Variants in RBFOX1 observed in about 807,000 individuals in gnomAD.
RBFOX1 encodes the protein RNA binding protein fox-1 homolog 1.
RBFOX1 carries 8 observed loss-of-function variants against 57.7 expected under a neutral mutation model. That is an observed-to-expected ratio of 0.14 (90% CI 0.08 to 0.25). The LOEUF (loss-of-function observed/expected upper bound fraction) is 0.25. Ranked by LOEUF, RBFOX1 falls within the 10% of genes least tolerant of loss-of-function variation. The probability of loss-of-function intolerance (pLI) is 1.00; values close to 1 mark genes in which losing one functional copy is unlikely to be tolerated. For missense variants in RBFOX1, 611 were observed against 548.5 expected, an observed-to-expected ratio of 1.11 and a Z score of -1.14; for synonymous variants, 326 against 222.4, an observed-to-expected ratio of 1.47 and a Z score of -4.15.
At chr16:5,422,716 G>C (rs1207054348) in intron 1 of RBFOX1, among the ~76,000 whole-genome samples, 2 of 137,928 alleles carry the variant, frequency 1.5e-5, no homozygotes, top group African/African-American at 5.5e-5. Context: ...AAGAGAAAGA[G>C]GAGGAGGGAG....
chr16:6,952,606 A>G (rs987191659), intron 3 of RBFOX1, among the ~76,000 whole-genome samples: 13 of 152,014 alleles, frequency 8.6e-5, no homozygotes, highest in African/African-American at 2.9e-4. Context: ...CCACTGGACT[A>G]CAGCCTGGGC....
At chr16:7,482,674 C>G (rs2064301213) in intron 4 of RBFOX1, among the ~76,000 whole-genome samples, 1 of 147,796 alleles carries the variant, frequency 6.8e-6, no homozygotes, top group African/African-American at 2.5e-5. Context: ...CATTTCTTAT[C>G]AGGGAGAGGC....
intron 3 of RBFOX1, among the ~76,000 whole-genome samples, chr16:6,869,456 C>G (rs1020516417): frequency 8.3e-6 from 1 of 120,984 alleles, no homozygotes; most frequent in East Asian, 2.8e-4. Context: ...AAGGAGTTCC[C>G]TTACTGTCTT....
chr16:7,489,989 C>G (rs960937102), intron 4 of RBFOX1, among the ~76,000 whole-genome samples: 2 of 152,096 alleles, frequency 1.3e-5, no homozygotes, highest in African/African-American at 2.4e-5. Flanking sequence ...GTGTCTCTCT[C>G]CAAAATGCTC....
intron 2 of RBFOX1, among the ~76,000 whole-genome samples, chr16:6,345,027 C>T (rs749477100): frequency 2.3e-4 from 35 of 151,896 alleles, no homozygotes; most frequent in Admixed American, 7.9e-4. Flanking sequence ...CAATATATGG[C>T]GGCTTTTAGG....
chr16:6,164,648 TG>T (rs1447081868), intron 1 of RBFOX1, among the ~76,000 whole-genome samples: 2 of 150,400 alleles, frequency 1.3e-5, no homozygotes, highest in African/African-American at 2.4e-5. Context: ...TGTTTTGTTT[TG>T]TTTTTTTTTA....
rs770649841 is a variant in RBFOX1, at chr16:5,946,945, C to T, written c.351+79610C>T. On this transcript the variant is annotated intron_variant, in intron 4 of 19. Coordinates refer to the RBFOX1 transcript ENST00000641259. This position sits in a 1 kb window ranked among gnomAD's most constrained non-coding sequence, Gnocchi z 4.6. ...GTTAGAAGAAAGGCCAGAGCAGTGG[C>T]TCACAGCCGTAATCCTAGCACTTAG... is the stretch of plus-strand genomic sequence containing the variant. Among the ~76,000 whole-genome samples the T allele has an allele frequency of 9.9e-5, 15 of 152,154 alleles. No individual in the cohort carries two copies. Among genetic ancestry groups the T allele is most frequent in the Admixed American group, 3.9e-4 (6 of 15,276 alleles).
At chr16:5,699,273 A>G (rs2050949917) in intron 3 of RBFOX1, among the ~76,000 whole-genome samples, 3 of 151,924 alleles carry the variant, frequency 2.0e-5, no homozygotes, top group South Asian at 2.1e-4. Flanking sequence ...CTATGCAGTT[A>G]TATCACCTCA....
chr16:5,902,510 G>C (rs1489505827), intron 4 of RBFOX1, among the ~76,000 whole-genome samples: 1 of 152,138 alleles, frequency 6.6e-6, no homozygotes, highest in Non-Finnish European at 1.5e-5. Flanking sequence ...CCGCCTCCCA[G>C]GTTCGAGTGA....
chr16:5,385,290 A>T (rs1337009509), intron 1 of RBFOX1, among the ~76,000 whole-genome samples: 2 of 152,198 alleles, frequency 1.3e-5, no homozygotes, highest in Non-Finnish European at 2.9e-5. Context: ...GGCTGCACTG[A>T]TTACTTTTTC....
At chr16:6,674,739 G>A (rs964663633) in intron 3 of RBFOX1, among the ~76,000 whole-genome samples, 3 of 152,156 alleles carry the variant, frequency 2.0e-5, no homozygotes, top group Non-Finnish European at 4.4e-5. Flanking sequence ...CAAGGAGCAC[G>A]AGGGGTGCTG....
At chr16:7,522,676 C>G (rs764251334) in intron 5 of RBFOX1, among the ~76,000 whole-genome samples, 13 of 152,024 alleles carry the variant, frequency 8.6e-5, no homozygotes, top group Non-Finnish European at 1.6e-4. Context: ...TTTATGCCAA[C>G]AAGGTCCCTA....
At chr16:5,535,220 G>A (rs1242299312) in intron 2 of RBFOX1, among the ~76,000 whole-genome samples, 4 of 152,150 alleles carry the variant, frequency 2.6e-5, no homozygotes, top group Admixed American at 1.3e-4. Flanking sequence ...CAGTAGCCAC[G>A]TGTGGCTAGT....
intron 2 of RBFOX1, among the ~76,000 whole-genome samples, chr16:6,525,068 G>A (rs2096560030): frequency 6.6e-6 from 1 of 152,138 alleles, no homozygotes; most frequent in Non-Finnish European, 1.5e-5. Context: ...TGTTTGTACA[G>A]GACATTCCCT....
In RBFOX1 at chr16:6,066,960, A is replaced by G. The variant is rs189433363; in HGVS notation, c.-127+46968A>G. Among the ~76,000 whole-genome samples the G allele has an allele frequency of 9.1e-3, 1,378 of 151,062 alleles. 11 individuals carry two copies. Among genetic ancestry groups the G allele is most frequent in the Non-Finnish European group, 0.015 (985 of 67,726 alleles). ...AGCCTCAGCCTTGGTCTCCCAGAGT[A>G]GGGGGCGGGGGAGGGCGGCAGGGAG... On this transcript the variant is annotated intron_variant, in intron 1 of 15. Coordinates refer to ENST00000550418, the MANE Select transcript of RBFOX1 (RefSeq NM_018723.4).
At chr16:5,601,748 C>G (rs952599636), downstream of RBFOX1, 9 of 152,282 alleles carry the variant, frequency 5.9e-5, no homozygotes, top group African/African-American at 1.7e-4. Flanking sequence ...TACTAAAGAG[C>G]CTTGATATTG....
intron 4 of RBFOX1, among the ~76,000 whole-genome samples, chr16:7,132,285 T>TC (rs1446248636): frequency 6.6e-6 from 1 of 151,848 alleles, no homozygotes; most frequent in Admixed American, 6.6e-5. Context: ...CCGGCCAGAG[T>TC]CCAAGTTCAT....
chr16:6,917,737 A>G (rs934621376), intron 3 of RBFOX1, among the ~76,000 whole-genome samples: 1 of 152,166 alleles, frequency 6.6e-6, no homozygotes, highest in Non-Finnish European at 1.5e-5. Flanking sequence ...TCGGCATTCC[A>G]AGTGGACATA....
chr16:5,636,613 G>A (rs2048694080), intron 3 of RBFOX1, among the ~76,000 whole-genome samples: 1 of 152,142 alleles, frequency 6.6e-6, no homozygotes, highest in Admixed American at 6.5e-5. Context: ...AGCTACTGTG[G>A]CACATAGCAG....
Sources: allele counts gnomAD v4.1 joint callset (sites outside exome capture counted in the v4.1 genomes callset), GRCh38; gene constraint gnomAD v4.1.1; non-coding constraint Gnocchi (gnomAD v3.1); transcripts MANE v1.5; gene names NCBI Gene and HGNC (gene_info 2026-07-23, HGNC 2026-07-21).